SLC5A1: variants seen among roughly 807,000 people sequenced by gnomAD.
SLC5A1 encodes sodium/glucose cotransporter 1.
In SLC5A1, 42 loss-of-function variants were observed where a neutral mutation model predicts 73.5. The ratio of observed to expected loss-of-function variants is 0.57; its 90% CI spans 0.45 to 0.74. SLC5A1 has a LOEUF of 0.74. Ranked by LOEUF, SLC5A1 falls within the 30% of genes least tolerant of loss-of-function variation. The pLI, the probability that SLC5A1 is intolerant of heterozygous loss-of-function variation, is 0.00. For missense variants in SLC5A1, 634 were observed against 855.4 expected (o/e 0.74, Z 3.23); for synonymous variants, 300 against 317.4 (o/e 0.95, Z 0.58).
intron 10 of SLC5A1, among the ~76,000 whole-genome samples, chr22:32,091,196 C>T (rs2094016655): frequency 6.6e-6 from 1 of 151,850 alleles, no homozygotes; most frequent in Admixed American, 6.6e-5. Flanking sequence ...TCTTGAGAGC[C>T]CCATCTTTTG....
At chr22:32,050,801 T>G (rs1222816324) in intron 2 of SLC5A1, among the ~76,000 whole-genome samples, 1 of 152,220 alleles carries the variant, frequency 6.6e-6, no homozygotes, top group Non-Finnish European at 1.5e-5. Flanking sequence ...CATAGGGATC[T>G]GGGCTGGGAG....
chr22:32,067,145 G>A lies in SLC5A1; in HGVS notation c.312+106G>A. The A allele has an allele frequency of 6.7e-6, 6 of 901,630 alleles. No individual in the cohort carries two copies. The South Asian group carries it at 6.9e-5, about 10-fold the overall frequency. 55.9% of individuals were successfully genotyped at this position (901,630 alleles called of 1,614,324 possible). On this transcript the variant is annotated intron_variant, in intron 3 of 14. Transcript: ENST00000266088. Reference sequence around the variant, plus strand: ...CTGAAGATGTTAGGGAACCCTTCAGGGTCACCCCAGGGTGCAGACAGAGGA... The same window carrying A: ...CTGAAGATGTTAGGGAACCCTTCAGAGTCACCCCAGGGTGCAGACAGAGGA...
chr22:32,091,736 T>C lies in SLC5A1; in HGVS notation c.1254T>C (p.Ser418=). Residue 418 remains serine, a synonymous_variant, in exon 11 of 15, where the codon TCT becomes TCC. Coordinates refer to ENST00000266088, the MANE Select transcript of SLC5A1 (RefSeq NM_000343.4). ...ACGCCAAGGTCCGCAAGAGAGCATC[T>C]GAGAAAGAGCTCATGATTGCCGGAA... ...DIYAKVRKRA[S]EKELMIAGRL... The C allele has an allele frequency of 6.2e-7, 1 of 1,613,946 alleles. No homozygotes were observed. Among genetic ancestry groups the C allele is most frequent in the Non-Finnish European group, 8.5e-7 (1 of 1,179,940 alleles).
intron 11 of SLC5A1, among the ~76,000 whole-genome samples, chr22:32,095,815 G>A (rs552985041): frequency 2.0e-5 from 3 of 152,146 alleles, no homozygotes; most frequent in Non-Finnish European, 2.9e-5. Context: ...CTGCAATTCC[G>A]TATCTTTTAA....
chr22:32,093,982 T>C (rs1342086391), intron 11 of SLC5A1, among the ~76,000 whole-genome samples: 3 of 140,468 alleles, frequency 2.1e-5, no homozygotes, highest in African/African-American at 8.1e-5. Context: ...TGTGGGTCTG[T>C]CATAGATGGC....
At chr22:32,073,459 T>C (rs542130032) in intron 5 of SLC5A1, among the ~76,000 whole-genome samples, 1 of 152,354 alleles carries the variant, frequency 6.6e-6, no homozygotes, top group East Asian at 1.9e-4. Flanking sequence ...ACACTGCTTC[T>C]GCCCTCGACC....
Position 32,099,233 on chromosome 22 carries a change from T to C in SLC5A1, c.1331T>C (p.Val444Ala), listed in dbSNP as rs1422190196. The C allele has an allele frequency of 6.2e-7, 1 of 1,613,138 alleles. No homozygotes were observed. The highest frequency in any genetic ancestry group is 8.5e-7 in the Non-Finnish European group (1 of 1,179,788). ...ATCAGCATCGCCTGGGTGCCCATTGTGCAGTCAGCACAAAGTGGGCAACTC... is the reference window on the plus strand; with the variant it reads ...ATCAGCATCGCCTGGGTGCCCATTGCGCAGTCAGCACAAAGTGGGCAACTC... ...IGISIAWVPI[V>A]QSAQSGQLFD... The change falls in exon 12 of 15, where the codon GTG becomes GCG. Residue 444 changes from valine (V) to alanine (A), a missense_variant. Coordinates refer to ENST00000266088, the MANE Select transcript of SLC5A1 (RefSeq NM_000343.4).
At chr22:32,089,965 G>A (rs758378079) in intron 10 of SLC5A1, among the ~76,000 whole-genome samples, 9 of 151,970 alleles carry the variant, frequency 5.9e-5, no homozygotes, top group Non-Finnish European at 1.3e-4. Context: ...CAAGAGTTCC[G>A]TATTCCTATT....
chr22:32,067,944 T>G, intron 3 of SLC5A1, 23 bp from the exon 4 acceptor site: 1 of 1,613,918 alleles, frequency 6.2e-7, no homozygotes, highest in Non-Finnish European at 8.5e-7. Context: ...CTAATTTGAG[T>G]CCACCTTTTG....
At chr22:32,095,736 G>A (rs936504673) in intron 11 of SLC5A1, among the ~76,000 whole-genome samples, 1 of 152,168 alleles carries the variant, frequency 6.6e-6, no homozygotes, top group Non-Finnish European at 1.5e-5. Context: ...TTAAATTTAT[G>A]TGAGTCCTTA....
At chr22:32,083,283 C>T (rs971078842) in intron 7 of SLC5A1, 129 bp downstream of exon 7, 6 of 750,454 alleles carry the variant, frequency 8.0e-6, no homozygotes, top group Non-Finnish European at 1.1e-5. Context: ...TCTGCCCTTC[C>T]AAACGGAGGG....
intron 11 of SLC5A1, among the ~76,000 whole-genome samples, chr22:32,096,977 G>T (rs2094027284): frequency 1.3e-5 from 2 of 152,228 alleles, no homozygotes; most frequent in African/African-American, 4.8e-5. Flanking sequence ...CTGAACCATA[G>T]AAAGTAGCAC....
chr22:32,058,745 T>C (rs891268165), intron 2 of SLC5A1, among the ~76,000 whole-genome samples: 1 of 152,172 alleles, frequency 6.6e-6, no homozygotes, highest in African/African-American at 2.4e-5. Context: ...CAGTTCCCCT[T>C]ATGGTCTTGT....
At chr22:32,100,880 C>T (rs1015021505) in intron 12 of SLC5A1, among the ~76,000 whole-genome samples, 7 of 152,140 alleles carry the variant, frequency 4.6e-5, no homozygotes, top group African/African-American at 1.2e-4. Context: ...CCTGGGCAAT[C>T]CCCCGGTTCA....
At chr22:32,056,082 C>T (rs749243478) in intron 2 of SLC5A1, among the ~76,000 whole-genome samples, 2 of 152,128 alleles carry the variant, frequency 1.3e-5, no homozygotes, top group African/African-American at 2.4e-5. Flanking sequence ...AGTGCAGTGA[C>T]GTGATCATAA....
chr22:32,071,893 A>AT (rs556969929), intron 5 of SLC5A1, among the ~76,000 whole-genome samples: 9 of 152,042 alleles, frequency 5.9e-5, no homozygotes, highest in South Asian at 4.2e-4. Flanking sequence ...TAACATTTGC[A>AT]TTTTTTTTAT....
At chr22:32,087,240 T>G (rs2094009767) in intron 10 of SLC5A1, among the ~76,000 whole-genome samples, 1 of 152,174 alleles carries the variant, frequency 6.6e-6, no homozygotes, top group Non-Finnish European at 1.5e-5. Flanking sequence ...AGAGTAGATT[T>G]TAACTGTTCT....
At chr22:32,081,644 C>A (rs1202037410) in intron 5 of SLC5A1, among the ~76,000 whole-genome samples, 1 of 152,224 alleles carries the variant, frequency 6.6e-6, no homozygotes, top group African/African-American at 2.4e-5. Flanking sequence ...GATGACTGTA[C>A]ATGGCATATA....
intron 5 of SLC5A1, among the ~76,000 whole-genome samples, chr22:32,077,642 T>C (rs1309712133): frequency 1.3e-5 from 2 of 152,206 alleles, no homozygotes; most frequent in Non-Finnish European, 2.9e-5. Context: ...CACCCTTATA[T>C]TCACCACTCA....
Sources: allele counts gnomAD v4.1 joint callset (sites outside exome capture counted in the v4.1 genomes callset), GRCh38; gene constraint gnomAD v4.1.1; transcripts MANE v1.5; gene names NCBI Gene and HGNC (gene_info 2026-07-23, HGNC 2026-07-21).